Variants in PLCH2 observed in about 807,000 individuals in gnomAD.
PLCH2 encodes 1-phosphatidylinositol 4,5-bisphosphate phosphodiesterase eta-2.
PLCH2 carries 98 observed loss-of-function variants against 134.7 expected under a neutral mutation model. That is an observed-to-expected ratio of 0.73 (90% confidence interval 0.62 to 0.86). The LOEUF is 0.86. Among genes scored for constraint, PLCH2 ranks in the 40% least tolerant of loss-of-function variants. The probability of loss-of-function intolerance (pLI) is 0.00; values close to 1 mark genes in which losing one functional copy is unlikely to be tolerated. For missense variants in PLCH2, 1,994 were observed against 1,986.6 expected (o/e 1.00, Z -0.07); for synonymous variants, 974 against 827.5 (o/e 1.18, Z -3.04).
chr1:2,481,638 G>A (rs190463429), intron 4 of PLCH2, among the ~76,000 whole-genome samples: 5 of 152,376 alleles, frequency 3.3e-5, no homozygotes, highest in East Asian at 1.9e-4. Context: ...CCAGGCAGGC[G>A]GAAGCAGGGA....
intron 8 of PLCH2, among the ~76,000 whole-genome samples, chr1:2,488,719 A>G (rs1194236755): frequency 6.6e-6 from 1 of 152,232 alleles, no homozygotes; most frequent in East Asian, 1.9e-4. Context: ...ATGTTCCACC[A>G]GATGGTGTGT....
chr1:2,496,553 G>A, intron 13 of PLCH2, 54 bp from the exon 14 acceptor site: 1 of 1,442,180 alleles, frequency 6.9e-7, no homozygotes, highest in African/African-American at 1.4e-5. Flanking sequence ...CACGGAGCTG[G>A]GTGCCAGGCT....
At chr1:2,496,779 G>C (rs369853774) in intron 14 of PLCH2, 49 bp from the exon 15 acceptor site, 2 of 1,610,680 alleles carry the variant, frequency 1.2e-6, no homozygotes, top group Non-Finnish European at 8.5e-7. Flanking sequence ...GCTGGGCGCC[G>C]GGCGAGGTCG....
rs1641645824 is a variant in PLCH2 at position 2,476,679 on chromosome 1, G to A, written c.91G>A (p.Val31Met). ...ACTCCTCTGGGTTGGAGGGAGTGTG[G>A]TGCTGTCTTCAGAGTGGCAGCTCGG... ...EVLLWVGGSV[V>M]LSSEWQLGPL... Residue 31 changes from valine (V) to methionine (M), a missense_variant, in exon 1 of 22, where the codon GTG (valine) becomes ATG (methionine). By Grantham distance (21) the Val-to-Met change is conservative. Around this residue, in one of 2 missense-constraint regions of PLCH2, gnomAD observed 1,094 missense variants for 1,234.3 expected, o/e 0.89. Transcript: ENST00000378486. 2 of 1,610,982 alleles carry A rather than the reference G, an allele frequency of 1.2e-6. No individual in the cohort carries two copies. Among genetic ancestry groups the A allele is most frequent in the Middle Eastern group, 1.7e-4 (1 of 5,810 alleles).
At position 2,487,185 on chromosome 1, in the gene PLCH2, A is replaced by G; in HGVS notation, c.923A>G (p.Tyr308Cys). 6.4e-7 allele frequency: 1 copy of G among 1,570,466 alleles called. No individual in the cohort carries two copies. Among genetic ancestry groups the G allele is most frequent in the Non-Finnish European group, 8.6e-7 (1 of 1,159,134 alleles). ...CGCCGTCCTGCAGGCTTCACCAACT[A>G]CACCAGGAGCCCTGCTGGTGACATC... ...GLLGIDGFTN[Y>C]TRSPAGDIFN... The change falls in exon 7 of 22, where the codon TAC becomes TGC. Residue 308 changes from tyrosine (Y) to cysteine (C), a missense_variant. Coordinates refer to ENST00000378486, the MANE Select transcript of PLCH2 (RefSeq NM_014638.4).
intron 7 of PLCH2, 75 bp from the exon 8 acceptor site, chr1:2,487,523 T>G: frequency 6.5e-7 from 1 of 1,546,314 alleles, no homozygotes; most frequent in Non-Finnish European, 8.7e-7. Flanking sequence ...CAGGCCCTCT[T>G]TTGGTCGAAG....
Position 2,497,581 on chromosome 1 carries a change from C to T in PLCH2, c.2196C>T (p.Tyr732=), listed in dbSNP as rs747331938. 15 of 1,561,908 alleles carry T rather than the reference C, an allele frequency of 9.6e-6. No individual in the cohort carries two copies. The highest frequency in any genetic ancestry group is 1.7e-4 in the Middle Eastern group (1 of 6,022). The change falls in exon 16 of 22, where the codon TAC becomes TAT. Residue 732 remains tyrosine, a synonymous_variant. Transcript: ENST00000378486. The part of the protein sequence containing the change: ...AKFSANGGCG[Y]VLKPGCMCQG... ...TCAGCGCCAACGGTGGCTGCGGCTA[C>T]GTACTCAAGCCTGGGTGCATGTGCC... is the stretch of plus-strand genomic sequence containing the variant.
At chr1:2,474,164 G>A (rs757239117), upstream of PLCH2, among the ~76,000 whole-genome samples, 14 of 152,060 alleles carry the variant, frequency 9.2e-5, no homozygotes, top group South Asian at 2.1e-4. Flanking sequence ...AGCCCCCTCC[G>A]TGACCTTGTG....
rs1640053333 is a variant in PLCH2 at position 2,448,642 on chromosome 1, C to G, written c.115+18013C>G. On this transcript the variant is annotated intron_variant, in intron 2 of 3. Transcript: ENST00000609981. The surrounding 1 kb of genome is among the most constrained non-coding windows in gnomAD (Gnocchi z 4.0). ...CCCCTACTGTGGCCGTGTGCTCCAC[C>G]CCAGCACCCCCGCCCGAGGCAGGCC... is the stretch of plus-strand genomic sequence containing the variant. Among the ~76,000 whole-genome samples, 2 of 152,176 alleles carry G rather than the reference C, an allele frequency of 1.3e-5. No homozygotes were observed. The highest frequency in any genetic ancestry group is 4.8e-5 in the African/African-American group (2 of 41,452).
At position 2,476,293 on chromosome 1, in the gene PLCH2, T is replaced by C; in HGVS notation, c.-296T>C. 1 of 327,504 alleles carries C rather than the reference T, an allele frequency of 3.1e-6. No individual in the cohort carries two copies. The allele number at this position is 327,504 out of a possible 1,614,324, so 20.3% of individuals were successfully genotyped here. Reference sequence around the variant, plus strand: ...CTGGGGCTGGGCGGGGCTGAGGTCCTTTGCTCCCCCAGCCTTGGGAGGCGG... The same window carrying C: ...CTGGGGCTGGGCGGGGCTGAGGTCCCTTGCTCCCCCAGCCTTGGGAGGCGG... On this transcript the variant is annotated 5_prime_UTR_variant, in exon 1 of 22. Coordinates refer to ENST00000378486, the MANE Select transcript of PLCH2 (RefSeq NM_014638.4).
upstream of PLCH2, among the ~76,000 whole-genome samples, chr1:2,424,083 T>C (rs1638654569): frequency 6.6e-6 from 1 of 152,190 alleles, no homozygotes; most frequent in Non-Finnish European, 1.5e-5. Flanking sequence ...AAAGTATATA[T>C]TTGACAGATT....
At chr1:2,495,620 C>A in intron 13 of PLCH2, 50 bp downstream of exon 13, 1 of 1,340,716 alleles carries the variant, frequency 7.5e-7, no homozygotes, top group Non-Finnish European at 1.0e-6. Context: ...GGGAGCCTGG[C>A]CCAACCGGGC....
rs1009246284 is a variant in PLCH2, at chr1:2,476,972, C to T, written c.124+260C>T. Among the ~76,000 whole-genome samples the T allele has an allele frequency of 7.2e-5, 11 of 152,114 alleles. No individual in the cohort carries two copies. The highest frequency in any genetic ancestry group is 2.1e-4 in the South Asian group (1 of 4,822). ...GGCCTGGGGGCTGAACCCAAGGGGG[C>T]GAGGGGGGATCTCAGGTGGCTCCAA... On this transcript the variant is annotated intron_variant, in intron 1 of 21. Coordinates refer to ENST00000378486, the MANE Select transcript of PLCH2 (RefSeq NM_014638.4).
intron 5 of PLCH2, among the ~76,000 whole-genome samples, chr1:2,485,997 C>A (rs552689108): frequency 6.6e-6 from 1 of 152,164 alleles, no homozygotes; most frequent in African/African-American, 2.4e-5. Context: ...ACGCATGGCC[C>A]AGGCAGGGGA....
chr1:2,452,390 A>G (rs1321944240), intron 2 of PLCH2, among the ~76,000 whole-genome samples: 2 of 152,082 alleles, frequency 1.3e-5, no homozygotes, highest in African/African-American at 4.8e-5. Flanking sequence ...AGCCCCGTGG[A>G]GGGGGGCCTA....
Position 2,487,381 on chromosome 1 carries a change from G to A in PLCH2, c.1114+5G>A. 1 of 1,611,110 alleles carries A rather than the reference G, an allele frequency of 6.2e-7. No homozygotes were observed. The highest frequency in any genetic ancestry group is 8.5e-7 in the Non-Finnish European group (1 of 1,178,372). Reference sequence around the variant, plus strand: ...CTGGCTGCCGCTGCGTGGAGGGTAAGCCCTGGACCTTGGGTGACGGCCGTG... The same window carrying A: ...CTGGCTGCCGCTGCGTGGAGGGTAAACCCTGGACCTTGGGTGACGGCCGTG... On this transcript the variant is annotated splice_donor_5th_base_variant and intron_variant, in intron 7 of 21. Transcript: ENST00000378486.
At position 2,455,806 on chromosome 1, in the gene PLCH2, C is replaced by A. The variant is rs571927334; in HGVS notation, c.116-22670C>A. Reference sequence around the variant, plus strand: ...GGGAGCCCCTCGGGCCCTCCACCCCCCTGCAGGGCCTCCCTCCCCGGCCGT... The same window carrying A: ...GGGAGCCCCTCGGGCCCTCCACCCCACTGCAGGGCCTCCCTCCCCGGCCGT... On this transcript the variant is annotated intron_variant, in intron 2 of 3. Transcript: ENST00000609981. 9.8e-4 allele frequency among the ~76,000 whole-genome samples: 150 copies of A among 152,302 alleles called. 2 individuals are homozygous for A. Among genetic ancestry groups the A allele is most frequent in the Non-Finnish European group, 1.5e-3 (103 of 68,014 alleles).
In PLCH2 at chr1:2,504,709, C is replaced by T. The variant is rs367825015; in HGVS notation, c.3747C>T (p.Pro1249=). ...CLSLVGVQDC[P]VAAKSKSLGD... ...CCCTGGTGGGCGTGCAGGACTGCCC[C>T]GTGGCTGCCAAGTCCAAGAGCCTGG... The change falls in exon 22 of 22, where the codon CCC becomes CCT. Residue 1249 remains proline (P), a synonymous_variant. Transcript: ENST00000378486. 3.1e-5 allele frequency: 50 copies of T among 1,612,412 alleles called. No individual in the cohort carries two copies. Among genetic ancestry groups the T allele is most frequent in the Non-Finnish European group, 3.6e-5 (42 of 1,179,788 alleles).
intron 1 of PLCH2, among the ~76,000 whole-genome samples, chr1:2,429,059 G>A (rs1031073187): frequency 2.6e-5 from 4 of 152,186 alleles, no homozygotes; most frequent in Non-Finnish European, 5.9e-5. Context: ...GGGTGGGTGA[G>A]GCTGGAGGGC....
Sources: gnomAD v4.1 joint callset for allele counts (sites outside exome capture counted in the v4.1 genomes callset) on GRCh38, gnomAD v4.1.1 for gene constraint, gnomAD v4.1.1 regional missense constraint, Gnocchi (gnomAD v3.1) non-coding constraint, MANE v1.5 for transcripts, NCBI Gene and HGNC (gene_info 2026-07-23, HGNC 2026-07-21) for gene names.